Variants in PTPN14 observed in about 807,000 individuals in gnomAD.
PTPN14 encodes the protein tyrosine-protein phosphatase non-receptor type 14.
PTPN14 carries 53 observed loss-of-function variants against 126.8 expected under a neutral mutation model. The observed-to-expected ratio is 0.42, with a 90% CI of 0.34 to 0.53. The LOEUF is 0.53. Among genes scored for constraint, PTPN14 ranks in the 20% least tolerant of loss-of-function variants. The pLI, the probability that PTPN14 is intolerant of heterozygous loss-of-function variation, is 0.08. For missense variants in PTPN14, 1,257 were observed against 1,552.9 expected (o/e 0.81, Z 3.20); for synonymous variants, 630 against 599.3 (o/e 1.05, Z -0.75).
At chr1:214,433,966 A>C (rs879299677) in intron 3 of PTPN14, among the ~76,000 whole-genome samples, 48,277 of 128,814 alleles carry the variant, frequency 0.37, 8,819 homozygotes, top group Non-Finnish European at 0.46. Flanking sequence ...AAAAAAAAAA[A>C]AAAAAACTCA....
At chr1:214,533,066 C>G (rs918018372) in intron 1 of PTPN14, 2 of 743,272 alleles carry the variant, frequency 2.7e-6, no homozygotes, top group African/African-American at 1.7e-5. Flanking sequence ...ATGACACTCA[C>G]GGAGCTGGGA....
At position 214,350,782 on chromosome 1, in the gene PTPN14, C is replaced by T. The variant is rs138865273; in HGVS notation, c.*7140G>A. The T allele has an allele frequency of 0.095, 13,220 of 138,446 alleles. 785 individuals are homozygous for T. Among genetic ancestry groups the T allele is most frequent in the Middle Eastern group, 0.2 (50 of 254 alleles). 8.6% of individuals were successfully genotyped at this position (138,446 alleles called of 1,614,324 possible). A position where few individuals can be genotyped will look rare whatever the true frequency, so the allele number is the denominator to read the frequency against. On this transcript the variant is annotated 3_prime_UTR_variant, in exon 19 of 19. Transcript: ENST00000366956. ...CCATGTTGGCCAGGCTGGTCTTGAA[C>T]GCCTGACCTCAGGTGATCTGCCTGC...
intron 17 of PTPN14, among the ~76,000 whole-genome samples, chr1:214,365,156 G>A (rs747796799): frequency 2.0e-5 from 3 of 152,156 alleles, no homozygotes; most frequent in Non-Finnish European, 4.4e-5. Context: ...ACTGATGAGT[G>A]AATGTCAACT....
intron 1 of PTPN14, among the ~76,000 whole-genome samples, chr1:214,497,846 G>A (rs1654572607): frequency 6.6e-6 from 1 of 151,738 alleles, no homozygotes; most frequent in African/African-American, 2.4e-5. Context: ...GCTATTCTTA[G>A]GGGGAAAAAA....
chr1:214,372,641 G>T (rs909780563), intron 16 of PTPN14, 70 bp downstream of exon 16: 1 of 1,607,450 alleles, frequency 6.2e-7, no homozygotes, highest in South Asian at 1.1e-5. Context: ...AAAGTTGACA[G>T]CACAAAGCCC....
chr1:214,410,997 G>A (rs1260461567), intron 5 of PTPN14, among the ~76,000 whole-genome samples: 1 of 152,108 alleles, frequency 6.6e-6, no homozygotes, highest in Non-Finnish European at 1.5e-5. Context: ...AATGATGTTG[G>A]AATTTTGATA....
At chr1:214,521,050 T>C (rs1571642657) in intron 1 of PTPN14, among the ~76,000 whole-genome samples, 2 of 152,152 alleles carry the variant, frequency 1.3e-5, no homozygotes, top group African/African-American at 4.8e-5. Flanking sequence ...AAAAGAGTCA[T>C]CTGTTTTCCT....
At chr1:214,450,178 A>C (rs1335461115) in intron 3 of PTPN14, among the ~76,000 whole-genome samples, 2 of 133,378 alleles carry the variant, frequency 1.5e-5, no homozygotes, top group African/African-American at 2.8e-5. Flanking sequence ...CAAATTAAAG[A>C]AAGCAAGCAG....
chr1:214,464,333 T>C (rs999694602), intron 2 of PTPN14, among the ~76,000 whole-genome samples: 1 of 151,870 alleles, frequency 6.6e-6, no homozygotes, highest in Non-Finnish European at 1.5e-5. Context: ...AGAGAGAAGA[T>C]GACTTTGGTG....
chr1:214,500,103 G>A (rs1158771577), intron 1 of PTPN14, among the ~76,000 whole-genome samples: 2 of 151,624 alleles, frequency 1.3e-5, no homozygotes, highest in Admixed American at 6.6e-5. Flanking sequence ...TCCAGTTTAC[G>A]GCATTTTTGC....
At chr1:214,527,041 A>G (rs1331143429) in intron 1 of PTPN14, among the ~76,000 whole-genome samples, 1 of 152,074 alleles carries the variant, frequency 6.6e-6, no homozygotes, top group African/African-American at 2.4e-5. Flanking sequence ...CGATGAGCCA[A>G]GATCACGTCA....
At chr1:214,507,401 T>C (rs563253943) in intron 1 of PTPN14, among the ~76,000 whole-genome samples, 1 of 152,362 alleles carries the variant, frequency 6.6e-6, no homozygotes, top group East Asian at 1.9e-4. Flanking sequence ...CCTGCATCCA[T>C]GCTCTATCAG....
intron 1 of PTPN14, among the ~76,000 whole-genome samples, chr1:214,490,845 G>T (rs1298331121): frequency 1.9e-5 from 1 of 51,666 alleles, no homozygotes; most frequent in Non-Finnish European, 3.6e-5. Context: ...GAAAGGAAAG[G>T]AAAGGAAGGG....
chr1:214,368,257 G>T (rs1208718577), intron 17 of PTPN14, among the ~76,000 whole-genome samples: 1 of 142,086 alleles, frequency 7.0e-6, no homozygotes, highest in African/African-American at 2.7e-5. Context: ...TGCCCAGACT[G>T]AAGTGCAATG....
chr1:214,427,862 T>G (rs1343738900), intron 3 of PTPN14, among the ~76,000 whole-genome samples: 1 of 152,086 alleles, frequency 6.6e-6, no homozygotes, highest in Non-Finnish European at 1.5e-5. Context: ...GAATGGCAAG[T>G]AGAAAGGCTT....
intron 2 of PTPN14, among the ~76,000 whole-genome samples, chr1:214,460,700 C>T (rs1196709105): frequency 1.3e-5 from 2 of 152,192 alleles, no homozygotes; most frequent in Non-Finnish European, 2.9e-5. Flanking sequence ...GTTTCTGTAC[C>T]GCAGCACAAG....
intron 1 of PTPN14, among the ~76,000 whole-genome samples, chr1:214,507,947 T>C (rs965211272): frequency 2.6e-5 from 4 of 151,842 alleles, no homozygotes; most frequent in African/African-American, 9.7e-5. Context: ...AACCTGTCAA[T>C]AGTCACAGCA....
intron 1 of PTPN14, among the ~76,000 whole-genome samples, chr1:214,474,771 C>A (rs1319986865): frequency 6.6e-6 from 1 of 152,084 alleles, no homozygotes; most frequent in East Asian, 1.9e-4. Flanking sequence ...TCTAGGAGGA[C>A]AAGTTAGTCT....
At chr1:214,407,656 T>G in intron 5 of PTPN14, among the ~76,000 whole-genome samples, 1 of 152,182 alleles carries the variant, frequency 6.6e-6, no homozygotes, top group Non-Finnish European at 1.5e-5. Context: ...TCTCAAAACC[T>G]AAAACCTTTG....
Sources: allele counts gnomAD v4.1 joint callset (sites outside exome capture counted in the v4.1 genomes callset), GRCh38; gene constraint gnomAD v4.1.1; transcripts MANE v1.5; gene names NCBI Gene and HGNC (gene_info 2026-07-23, HGNC 2026-07-21).